The following FGF18 variants were observed in gnomAD, a reference collection of about 807,000 sequenced individuals.
The protein encoded by FGF18 is fibroblast growth factor 18.
FGF18 carries 5 observed loss-of-function variants against 23.0 expected under a neutral mutation model. That is an observed-to-expected ratio of 0.22 (90% CI 0.11 to 0.46). The LOEUF (loss-of-function observed/expected upper bound fraction) is 0.46. FGF18 is among the 20% of genes least tolerant of loss of function. The probability of loss-of-function intolerance (pLI) is 0.99; values close to 1 mark genes in which losing one functional copy is unlikely to be tolerated. For missense variants in FGF18, 180 were observed against 291.6 expected (o/e 0.62, Z 2.79); for synonymous variants, 117 against 118.9 (o/e 0.98, Z 0.10).
rs1313807126 is a variant in FGF18 at position 171,436,064 on chromosome 5, T to C, written c.70-29T>C. On this transcript the variant is annotated intron_variant, in intron 2 of 4. Transcript: ENST00000274625. This position sits in a 1 kb window ranked among gnomAD's most constrained non-coding sequence, Gnocchi z 4.4. ...TGCAGTGGGCCTGGGACATCTGGGG[T>C]GGCTTACTGTGTCCTTTTCCCTGCC... The C allele has an allele frequency of 6.8e-7, 1 of 1,465,596 alleles. No homozygotes were observed. Among genetic ancestry groups the C allele is most frequent in the South Asian group, 1.4e-5 (1 of 70,170 alleles). The allele number at this position is 1,465,596 out of a possible 1,614,324, so 90.8% of individuals were successfully genotyped here.
At chr5:171,426,337 G>A (rs1418537133) in intron 2 of FGF18, among the ~76,000 whole-genome samples, 1 of 152,164 alleles carries the variant, frequency 6.6e-6, no homozygotes, top group Non-Finnish European at 1.5e-5. Flanking sequence ...CCTTTCTGTG[G>A]GTAAGGGCTG....
chr5:171,425,506 C>CCACTG (rs1772076341), intron 2 of FGF18, among the ~76,000 whole-genome samples: 1 of 148,890 alleles, frequency 6.7e-6, no homozygotes, highest in East Asian at 2.0e-4. Flanking sequence ...CTGGCATGAG[C>CCACTG]CACTGCACCT....
At chr5:171,447,809 G>A (rs985033506) in intron 3 of FGF18, among the ~76,000 whole-genome samples, 1 of 152,156 alleles carries the variant, frequency 6.6e-6, no homozygotes, top group Admixed American at 6.5e-5. Flanking sequence ...TTGGGGCTAT[G>A]ATTTTTGTTA....
At chr5:171,429,593 C>G (rs1197626659) in intron 2 of FGF18, among the ~76,000 whole-genome samples, 2 of 152,216 alleles carry the variant, frequency 1.3e-5, no homozygotes, top group Non-Finnish European at 2.9e-5. Context: ...CTTGGCTGGC[C>G]CGATGCTGCT....
chr5:171,436,049 C>T lies in FGF18; in HGVS notation c.70-44C>T. On this transcript the variant is annotated intron_variant, in intron 2 of 4. Coordinates refer to ENST00000274625, the MANE Select transcript of FGF18 (RefSeq NM_003862.3). The surrounding 1 kb of genome is among the most constrained non-coding windows in gnomAD (Gnocchi z 4.4). ...TGGCTGGCTCCTGCATGCAGTGGGC[C>T]TGGGACATCTGGGGTGGCTTACTGT... The T allele has an allele frequency of 1.4e-6, 2 of 1,441,768 alleles. No homozygotes were observed. The highest frequency in any genetic ancestry group is 1.8e-6 in the Non-Finnish European group (2 of 1,087,742). 89.3% of individuals were successfully genotyped at this position (1,441,768 alleles called of 1,614,324 possible). A position where few individuals can be genotyped will look rare whatever the true frequency, so the allele number is the denominator to read the frequency against.
chr5:171,422,939 T>TG (rs1262023199), intron 2 of FGF18, among the ~76,000 whole-genome samples: 3 of 152,080 alleles, frequency 2.0e-5, no homozygotes, highest in East Asian at 1.9e-4. Flanking sequence ...TGGTATATGA[T>TG]GGGGGGTGGG....
chr5:171,453,392 C>T (rs1210306733), intron 4 of FGF18, among the ~76,000 whole-genome samples: 3 of 152,214 alleles, frequency 2.0e-5, no homozygotes, highest in Non-Finnish European at 4.4e-5. Context: ...GCATTGAGCC[C>T]GCGTGACTGG....
intron 2 of FGF18, 38 bp downstream of exon 2, chr5:171,420,481 G>T: frequency 2.5e-6 from 4 of 1,602,430 alleles, no homozygotes; most frequent in Non-Finnish European, 3.4e-6. Context: ...TCCCGCCCCT[G>T]CCTCGCGGTA....
intron 3 of FGF18, among the ~76,000 whole-genome samples, chr5:171,442,189 TC>T (rs1041634533): frequency 6.6e-6 from 1 of 152,084 alleles, no homozygotes; most frequent in Admixed American, 6.5e-5. Context: ...TATTGGTTTT[TC>T]CCCCCAACTT....
At chr5:171,428,924 G>C (rs945485370) in intron 2 of FGF18, among the ~76,000 whole-genome samples, 3 of 152,168 alleles carry the variant, frequency 2.0e-5, no homozygotes, top group African/African-American at 7.2e-5. Context: ...GAGGGAGGCC[G>C]ACCCTCGGGC....
chr5:171,440,691 G>T lies in FGF18; in HGVS notation c.250+4418G>T, dbSNP rs1340526952. 1.3e-5 allele frequency among the ~76,000 whole-genome samples: 2 copies of T among 152,156 alleles called. No homozygotes were observed. The highest frequency in any genetic ancestry group is 4.8e-5 in the African/African-American group (2 of 41,424). The stretch of plus-strand genomic sequence containing the variant: ...GTTTCCCCACCTGTAATGTGGGTGG[G>T]GTAAAGGGTGTGCAGCTGGTACTTT... On this transcript the variant is annotated intron_variant, in intron 3 of 4. Coordinates refer to ENST00000274625, the MANE Select transcript of FGF18 (RefSeq NM_003862.3). The surrounding 1 kb of genome is among the most constrained non-coding windows in gnomAD (Gnocchi z 4.0).
intron 3 of FGF18, among the ~76,000 whole-genome samples, chr5:171,446,192 G>A (rs541987460): frequency 6.6e-6 from 1 of 152,326 alleles, no homozygotes; most frequent in South Asian, 2.1e-4. Flanking sequence ...CTGGCGTGAC[G>A]GCCAGGCGCA....
In FGF18 at chr5:171,456,816, C is replaced by A; in HGVS notation, c.*11C>A. On this transcript the variant is annotated 3_prime_UTR_variant, in exon 5 of 5. Coordinates refer to ENST00000274625, the MANE Select transcript of FGF18 (RefSeq NM_003862.3). The surrounding 1 kb of genome is among the most constrained non-coding windows in gnomAD (Gnocchi z 6.1). ...ACACACCCTGCCTAGGCCACCCCGC[C>A]GCGGCCCCTCAGGTCGCCCTGGCCA... 1.9e-6 allele frequency: 3 copies of A among 1,599,520 alleles called. No individual in the cohort carries two copies. Among genetic ancestry groups the A allele is most frequent in the Non-Finnish European group, 2.6e-6 (3 of 1,171,174 alleles).
At chr5:171,424,561 C>T (rs72829768) in intron 2 of FGF18, among the ~76,000 whole-genome samples, 2,564 of 152,352 alleles carry the variant, frequency 0.017, 27 homozygotes, top group Non-Finnish European at 0.027. Context: ...GATGGACCTT[C>T]TTCTCAAAGA....
At chr5:171,449,411 GA>G (rs1175966867) in intron 4 of FGF18, among the ~76,000 whole-genome samples, 158 bp downstream of exon 4, 1 of 150,962 alleles carries the variant, frequency 6.6e-6, no homozygotes, top group Admixed American at 6.6e-5. Context: ...GAGAGAGAGA[GA>G]GAGAGAGAGA....
In FGF18 at chr5:171,443,788, C is replaced by T. The variant is rs564049821; in HGVS notation, c.251-5359C>T. On this transcript the variant is annotated intron_variant, in intron 3 of 4. Coordinates refer to ENST00000274625, the MANE Select transcript of FGF18 (RefSeq NM_003862.3). ...CTTTGCTGCTCTCCTTTCTGGATGC[C>T]GGAGAAGGGAGCAGATCCTTTGAGC... Among the ~76,000 whole-genome samples, 73 of 152,180 alleles carry T rather than the reference C, an allele frequency of 4.8e-4. No individual in the cohort carries two copies. In the South Asian group the frequency reaches 0.015, roughly 31 times the overall value.
Position 171,420,225 on chromosome 5 carries a change from C to T in FGF18, c.26C>T (p.Thr9Ile), listed in dbSNP as rs914970331. The stretch of plus-strand genomic sequence containing the variant: ...ATGTATTCAGCGCCCTCCGCCTGCA[C>T]TTGCCTGTAAGCGCCCGCGCGCGGG... Reference protein sequence around the residue: MYSAPSACTCLCLHFLLLC... With the variant: MYSAPSACICLCLHFLLLC... The change falls in exon 1 of 5, where the codon ACT becomes ATT. Residue 9 changes from threonine (T) to isoleucine (I), a missense_variant. By Grantham distance (89) the Thr-to-Ile change is moderately conservative (BLOSUM62 -1). Transcript: ENST00000274625. 1.5e-5 allele frequency: 23 copies of T among 1,568,576 alleles called. No homozygotes were observed. The highest frequency in any genetic ancestry group is 1.9e-5 in the Non-Finnish European group (22 of 1,160,716).
intron 4 of FGF18, among the ~76,000 whole-genome samples, chr5:171,449,741 G>A (rs1772470845): frequency 1.3e-5 from 2 of 151,700 alleles, no homozygotes; most frequent in Admixed American, 1.3e-4. Flanking sequence ...GTCAGCGCTG[G>A]GCCTCTTGGT....
intron 3 of FGF18, among the ~76,000 whole-genome samples, chr5:171,448,343 G>A (rs1411692529): frequency 1.3e-5 from 2 of 152,138 alleles, no homozygotes; most frequent in African/African-American, 4.8e-5. Flanking sequence ...GGAATATCCT[G>A]CATACCCTTT....
Sources: allele counts gnomAD v4.1 joint callset (sites outside exome capture counted in the v4.1 genomes callset), GRCh38; gene constraint gnomAD v4.1.1; non-coding constraint Gnocchi (gnomAD v3.1); transcripts MANE v1.5; gene names NCBI Gene and HGNC (gene_info 2026-07-23, HGNC 2026-07-21).